RTTN: variants seen among roughly 807,000 people sequenced by gnomAD.
The protein encoded by RTTN is rotatin.
RTTN carries 182 observed loss-of-function variants against 269.2 expected under a neutral mutation model. The observed-to-expected ratio is 0.68, with a 90% CI of 0.60 to 0.76. The LOEUF is 0.76. Among genes scored for constraint, RTTN ranks in the 30% least tolerant of loss-of-function variants. The probability of loss-of-function intolerance (pLI) is 0.00; values close to 1 mark genes in which losing one functional copy is unlikely to be tolerated. For synonymous variants in RTTN, 1,006 were observed against 963.5 expected, an observed-to-expected ratio of 1.04 and a Z score of -0.82; for missense variants, 2,545 against 2,608.6, an observed-to-expected ratio of 0.98 and a Z score of 0.53.
At chr18:70,004,501 C>A (rs1377458674) in intron 48 of RTTN, among the ~76,000 whole-genome samples, 2 of 151,778 alleles carry the variant, frequency 1.3e-5, no homozygotes, top group Non-Finnish European at 2.9e-5. Flanking sequence ...ACTATAATTC[C>A]AAATGAATGC....
chr18:70,199,438 C>A lies in RTTN; in HGVS notation c.554G>T (p.Arg185Ile). 6.2e-7 allele frequency: 1 copy of A among 1,612,342 alleles called. No homozygotes were observed. The highest frequency in any genetic ancestry group is 1.1e-5 in the South Asian group (1 of 91,004). ...CCTTTCATTAGAGGAGAGGACATGT[C>A]TGTCTGTGGTGGTCAGGGGTAGCCA... ...FPWLPLTTTD[R>I]HVLSSNESSL... is the part of the protein sequence containing the mutation. Residue 185 changes from arginine to isoleucine, a missense_variant, in exon 5 of 49, where the codon AGA (arginine) becomes ATA (isoleucine). Transcript: ENST00000640769.
At chr18:70,065,460 A>C (rs1023684981) in intron 35 of RTTN, among the ~76,000 whole-genome samples, 21 of 152,186 alleles carry the variant, frequency 1.4e-4, no homozygotes, top group African/African-American at 4.6e-4. Context: ...TAGCCTTAGA[A>C]AATACTTAAA....
chr18:70,139,779 C>T, intron 20 of RTTN, 63 bp from the exon 21 acceptor site: 1 of 941,658 alleles, frequency 1.1e-6, no homozygotes. Flanking sequence ...ATCAAACAGA[C>T]CATAATATTA....
rs1277496301 is a variant in RTTN at position 70,003,816 on chromosome 18, A to T, written c.*335T>A. 1 of 169,874 alleles carries T rather than the reference A, an allele frequency of 5.9e-6. No homozygotes were observed. The highest frequency in any genetic ancestry group is 2.4e-5 in the African/African-American group (1 of 42,190). 10.5% of individuals were successfully genotyped at this position (169,874 alleles called of 1,614,324 possible). On this transcript the variant is annotated 3_prime_UTR_variant, in exon 49 of 49. Transcript: ENST00000640769. The stretch of plus-strand genomic sequence containing the variant: ...AATTATTAGTCAATTTTTAGTTTCT[A>T]AAAATATTGTTTTATTAAATAACTG...
intron 26 of RTTN, among the ~76,000 whole-genome samples, chr18:70,121,298 G>A (rs1471445695): frequency 6.6e-6 from 1 of 152,070 alleles, no homozygotes. Flanking sequence ...TAAAAATACA[G>A]TTGCAGCAGA....
intron 25 of RTTN, among the ~76,000 whole-genome samples, chr18:70,124,067 G>A (rs892847990): frequency 6.6e-6 from 1 of 151,078 alleles, no homozygotes; most frequent in African/African-American, 2.4e-5. Context: ...GGCTTTTAAA[G>A]TCTATCTAAA....
At chr18:70,025,952 A>G (rs907617620) in intron 43 of RTTN, among the ~76,000 whole-genome samples, 2 of 152,080 alleles carry the variant, frequency 1.3e-5, no homozygotes, top group African/African-American at 4.8e-5. Context: ...CTCGTCCCCA[A>G]TTTGCTCATT....
intron 35 of RTTN, among the ~76,000 whole-genome samples, chr18:70,064,447 T>C (rs2058079089): frequency 6.6e-6 from 1 of 151,272 alleles, no homozygotes; most frequent in African/African-American, 2.4e-5. Flanking sequence ...CAAATGCCTA[T>C]ATCACGTGAT....
intron 40 of RTTN, among the ~76,000 whole-genome samples, chr18:70,037,317 A>G (rs2057205000): frequency 6.6e-6 from 1 of 152,104 alleles, no homozygotes; most frequent in South Asian, 2.1e-4. Context: ...GCCTTACACC[A>G]TTTCTCCCTC....
intron 10 of RTTN, among the ~76,000 whole-genome samples, chr18:70,177,190 A>G (rs960555244): frequency 7.9e-5 from 12 of 152,198 alleles, no homozygotes; most frequent in Admixed American, 2.0e-4. Context: ...GAACGTTAAC[A>G]CGCAAACCCC....
At chr18:70,041,598 A>G (rs546518482) in intron 40 of RTTN, among the ~76,000 whole-genome samples, 1 of 152,282 alleles carries the variant, frequency 6.6e-6, no homozygotes, top group South Asian at 2.1e-4. Flanking sequence ...AAATGCAGTT[A>G]CATGCCCAGA....
intron 11 of RTTN, among the ~76,000 whole-genome samples, chr18:70,169,572 T>C (rs2061084128): frequency 6.6e-6 from 1 of 152,218 alleles, no homozygotes. Context: ...AGAAACGAAT[T>C]TTTTTCTTTG....
At chr18:70,013,810 T>C (rs1365396569) in intron 46 of RTTN, among the ~76,000 whole-genome samples, 1 of 152,148 alleles carries the variant, frequency 6.6e-6, no homozygotes, top group Non-Finnish European at 1.5e-5. Context: ...TTCTTAAAGT[T>C]TTTACCCATC....
At chr18:70,174,725 AAAG>A (rs982016507) in intron 11 of RTTN, among the ~76,000 whole-genome samples, 37 of 151,886 alleles carry the variant, frequency 2.4e-4, no homozygotes, top group Non-Finnish European at 4.6e-4. Context: ...AAAAAAAAAA[AAAG>A]AGAATAAACA....
At chr18:70,075,568 G>C in intron 32 of RTTN, 27 bp from the exon 33 acceptor site, 1 of 1,491,876 alleles carries the variant, frequency 6.7e-7, no homozygotes, top group Non-Finnish European at 8.9e-7. Context: ...AAAGAAGGAG[G>C]AGACACTGAT....
chr18:70,020,154 G>C (rs1329452981), intron 45 of RTTN, among the ~76,000 whole-genome samples: 1 of 152,146 alleles, frequency 6.6e-6, no homozygotes, highest in Non-Finnish European at 1.5e-5. Context: ...TGGAATCCTA[G>C]AGAACTCATA....
At chr18:70,184,700 C>T (rs2061493610) in intron 10 of RTTN, among the ~76,000 whole-genome samples, 1 of 33,264 alleles carries the variant, frequency 3.0e-5, no homozygotes, top group Non-Finnish European at 7.1e-5. Context: ...AAAACCACAG[C>T]AGGTTTTTTT....
chr18:70,111,397 G>A (rs865902460), intron 27 of RTTN, among the ~76,000 whole-genome samples: 17 of 152,274 alleles, frequency 1.1e-4, no homozygotes, highest in East Asian at 9.7e-4. Flanking sequence ...TGCAGCCTCC[G>A]CTGGCGATAC....
In RTTN at chr18:70,017,502, C is replaced by A; in HGVS notation, c.6326G>T (p.Ser2109Ile). The A allele has an allele frequency of 6.2e-7, 1 of 1,613,976 alleles. No individual in the cohort carries two copies. Among genetic ancestry groups the A allele is most frequent in the Admixed American group, 1.7e-5 (1 of 60,012 alleles). The change falls in exon 46 of 49, where the codon AGC becomes ATC. Residue 2109 changes from serine to isoleucine, a missense_variant. Physicochemically the swap from Ser to Ile is moderately radical, Grantham distance 142. Coordinates refer to ENST00000640769, the MANE Select transcript of RTTN (RefSeq NM_173630.4). The part of the protein sequence containing the change: ...DGCLDLLTEM[S>I]KYKHKSSPLL... ...AGGGCTGCTCTTGTGCTTGTATTTG[C>A]TCATCTCTGTTAGTAAGTCTAGACA...
Sources: gnomAD v4.1 joint callset for allele counts (sites outside exome capture counted in the v4.1 genomes callset) on GRCh38, gnomAD v4.1.1 for gene constraint, MANE v1.5 for transcripts, NCBI Gene and HGNC (gene_info 2026-07-23, HGNC 2026-07-21) for gene names.